The following ATG7 variants were observed in gnomAD, a reference collection of about 807,000 sequenced individuals.
ATG7 encodes ubiquitin-like modifier-activating enzyme ATG7.
ATG7 carries 70 observed loss-of-function variants against 82.4 expected under a neutral mutation model. That is an observed-to-expected ratio of 0.85 (90% CI 0.70 to 1.04). The LOEUF (loss-of-function observed/expected upper bound fraction) is 1.04, where lower values mean the gene tolerates loss of function less well. ATG7 is among the 50% of genes least tolerant of loss of function. The probability of loss-of-function intolerance (pLI) is 0.00; values close to 1 mark genes in which losing one functional copy is unlikely to be tolerated. For synonymous variants in ATG7, 287 were observed against 313.0 expected, an observed-to-expected ratio of 0.92 and a Z score of 0.88; for missense variants, 792 against 864.3, an observed-to-expected ratio of 0.92 and a Z score of 1.05.
chr3:11,494,993 A>AC lies in ATG7; in HGVS notation c.2080-59816dup, dbSNP rs1185292120. Among the ~76,000 whole-genome samples the AC allele has an allele frequency of 2.8e-4, 42 of 152,026 alleles. 1 individual carries two copies. Among genetic ancestry groups the AC allele is most frequent in the Non-Finnish European group, 4.4e-5 (3 of 67,970 alleles). On this transcript the variant is annotated intron_variant, in intron 20 of 20. Transcript: ENST00000693202. ...AGGCTGAGGCAGGAGAATCGCTTGA[A>AC]CCTGGGAGGTGGAGGTTGCAGTGAG...
At chr3:11,510,950 A>C (rs371363734) in intron 20 of ATG7, among the ~76,000 whole-genome samples, 3 of 151,974 alleles carry the variant, frequency 2.0e-5, no homozygotes, top group Non-Finnish European at 2.9e-5. Flanking sequence ...TGAGTGTTAC[A>C]GCTCTTAAGG....
intron 19 of ATG7, among the ~76,000 whole-genome samples, chr3:11,391,551 G>A (rs950367915): frequency 3.3e-5 from 5 of 152,212 alleles, no homozygotes; most frequent in African/African-American, 1.2e-4. Flanking sequence ...TGGGCTCAGG[G>A]TGATGCCTGC....
At chr3:11,553,081 G>A (rs557165959) in intron 20 of ATG7, among the ~76,000 whole-genome samples, 2 of 152,240 alleles carry the variant, frequency 1.3e-5, no homozygotes, top group Admixed American at 6.5e-5. Context: ...AGGAGGTCCC[G>A]GAGGACACGG....
chr3:11,446,073 A>C (rs1161343997), intron 20 of ATG7, among the ~76,000 whole-genome samples: 1 of 151,796 alleles, frequency 6.6e-6, no homozygotes, highest in Non-Finnish European at 1.5e-5. Flanking sequence ...CCTTTGTTCT[A>C]ATCCCAGATG....
intron 20 of ATG7, among the ~76,000 whole-genome samples, chr3:11,506,287 C>CT (rs1174124218): frequency 6.6e-6 from 1 of 152,178 alleles, no homozygotes; most frequent in Non-Finnish European, 1.5e-5. Flanking sequence ...GCGGTGGCCA[C>CT]TAAGCACATT....
intron 3 of ATG7, chr3:11,288,800 T>G (rs953591659): frequency 1.3e-5 from 2 of 152,204 alleles, no homozygotes; most frequent in African/African-American, 4.8e-5. Context: ...TGACTGAGTT[T>G]TATTTTCATT....
chr3:11,448,313 G>A (rs2084773744), intron 20 of ATG7, among the ~76,000 whole-genome samples: 1 of 152,118 alleles, frequency 6.6e-6, no homozygotes, highest in Non-Finnish European at 1.5e-5. Context: ...GCTCCTCCAT[G>A]CTCTCCTGAG....
At chr3:11,570,615 T>C in the ATG7 span, among the ~76,000 whole-genome samples, 1 of 152,228 alleles carries the variant, frequency 6.6e-6, no homozygotes. Context: ...TGAGTCCAGT[T>C]AACAGCGTTT....
Position 11,554,884 on chromosome 3 carries a change from C to G in ATG7, c.*41C>G, listed in dbSNP as rs1486565789. 2 of 1,605,186 alleles carry G rather than the reference C, an allele frequency of 1.2e-6. No homozygotes were observed. Among genetic ancestry groups the G allele is most frequent in the African/African-American group, 2.7e-5 (2 of 74,950 alleles). On this transcript the variant is annotated 3_prime_UTR_variant, in exon 21 of 21. Transcript: ENST00000693202. Reference sequence around the variant, plus strand: ...GGGCTGACTTCTCCCCGGCCGCCTGCTGAGGAGCTCTCCATCGCCAGAGCA... The same window carrying G: ...GGGCTGACTTCTCCCCGGCCGCCTGGTGAGGAGCTCTCCATCGCCAGAGCA...
At chr3:11,396,848 A>T (rs906667869) in intron 19 of ATG7, among the ~76,000 whole-genome samples, 2 of 151,982 alleles carry the variant, frequency 1.3e-5, no homozygotes, top group Admixed American at 6.6e-5. Flanking sequence ...GATTGGAATT[A>T]GTCTGTTCTA....
chr3:11,466,884 C>T (rs1287353827), intron 20 of ATG7, among the ~76,000 whole-genome samples: 1 of 152,124 alleles, frequency 6.6e-6, no homozygotes, highest in African/African-American at 2.4e-5. Context: ...AATCCCAGCA[C>T]TTTGGGAGGC....
intron 20 of ATG7, among the ~76,000 whole-genome samples, chr3:11,520,652 A>G (rs13081426): frequency 0.013 from 1,992 of 152,160 alleles, 24 homozygotes; most frequent in Non-Finnish European, 0.021. Context: ...CACATTCTAC[A>G]CTTCTGAGCT....
Position 11,430,999 on chromosome 3 carries a change from T to A in ATG7, c.2079+4073T>A, listed in dbSNP as rs181786439. Among the ~76,000 whole-genome samples, 20 of 152,362 alleles carry A rather than the reference T, an allele frequency of 1.3e-4. 1 individual carries two copies. The highest frequency in any genetic ancestry group is 4.3e-4 in the African/African-American group (18 of 41,594). ...TCTCCGAGGCCAAGTCTTTAGTATA[T>A]TACTCAAAATCATGAGTAGTGTGAT... On this transcript the variant is annotated intron_variant, in intron 20 of 20. Transcript: ENST00000693202.
intron 3 of ATG7, among the ~76,000 whole-genome samples, chr3:11,284,298 A>G (rs528370935): frequency 6.6e-6 from 1 of 152,348 alleles, no homozygotes; most frequent in Non-Finnish European, 1.5e-5. Context: ...GTCTCACTCC[A>G]GGAAGCACTC....
chr3:11,442,739 C>CAAAAA lies in ATG7; in HGVS notation c.2079+15841_2079+15845dup, dbSNP rs57073881. Among the ~76,000 whole-genome samples the CAAAAA allele has an allele frequency of 1.7e-3, 118 of 69,170 alleles. 5 individuals carry two copies. The highest frequency in any genetic ancestry group is 4.4e-3 in the African/African-American group (77 of 17,550). 45.4% of individuals were successfully genotyped at this position (69,170 alleles called of 152,430 possible). A position where few individuals can be genotyped will look rare whatever the true frequency, so the allele number is the denominator to read the frequency against. ...GCAGCATAGTGAGACTCCATCTCTA[C>CAAAAA]AAAAAAAAAAAAAAAAAAAAAAAAA... On this transcript the variant is annotated intron_variant, in intron 20 of 20. Coordinates refer to ENST00000693202, the MANE Select transcript of ATG7 (RefSeq NM_001349232.2).
At chr3:11,394,377 TA>T (rs1370428003) in intron 19 of ATG7, among the ~76,000 whole-genome samples, 3 of 152,222 alleles carry the variant, frequency 2.0e-5, no homozygotes, top group Non-Finnish European at 1.5e-5. Context: ...CAGTTGCTTC[TA>T]AAAATCTTCT....
Position 11,512,268 on chromosome 3 carries a change from C to A in ATG7, c.2080-42543C>A, listed in dbSNP as rs993716383. 7.2e-5 allele frequency among the ~76,000 whole-genome samples: 11 copies of A among 152,222 alleles called. 1 individual carries two copies. Among genetic ancestry groups the A allele is most frequent in the African/African-American group, 2.7e-4 (11 of 41,460 alleles). ...CCTTCGGCCAGCCCTGAGGGCCAGG[C>A]CCTTTCTCACTTCCTGAACCAAGTA... On this transcript the variant is annotated intron_variant, in intron 20 of 20. Transcript: ENST00000693202.
intron 20 of ATG7, among the ~76,000 whole-genome samples, chr3:11,454,393 T>C (rs1576526723): frequency 1.3e-5 from 2 of 152,174 alleles, no homozygotes; most frequent in South Asian, 2.1e-4. Context: ...GATGAAACTT[T>C]GGCTAAGAGG....
intron 9 of ATG7, among the ~76,000 whole-genome samples, chr3:11,328,468 C>T (rs145391406): frequency 5.9e-5 from 9 of 152,008 alleles, no homozygotes; most frequent in African/African-American, 2.2e-4. Context: ...AAATTAAATA[C>T]GAATCTGTCT....
Sources: gnomAD v4.1 joint callset for allele counts (sites outside exome capture counted in the v4.1 genomes callset) on GRCh38, gnomAD v4.1.1 for gene constraint, MANE v1.5 for transcripts, NCBI Gene and HGNC (gene_info 2026-07-23, HGNC 2026-07-21) for gene names.